The following ZFAT variants were observed in gnomAD, a reference collection of about 807,000 sequenced individuals.
The protein encoded by ZFAT is zinc finger and AT-hook domain containing.
Under a neutral mutation model 117.7 loss-of-function variants are expected in ZFAT, and 64 were observed. The ratio of observed to expected loss-of-function variants is 0.54; its 90% CI spans 0.44 to 0.67. The LOEUF (loss-of-function observed/expected upper bound fraction) is 0.67. ZFAT is among the 30% of genes least tolerant of loss of function. ZFAT has a pLI of 0.00. For missense variants in ZFAT, 1,433 were observed against 1,584.5 expected (o/e 0.90, Z 1.62); for synonymous variants, 679 against 615.0 (o/e 1.10, Z -1.54).
intron 10 of ZFAT, among the ~76,000 whole-genome samples, chr8:134,580,506 T>C (rs1333082189): frequency 2.0e-5 from 3 of 152,196 alleles, no homozygotes; most frequent in Non-Finnish European, 4.4e-5. Flanking sequence ...CCAGGGATAG[T>C]CCTAACTTGA....
chr8:134,634,866 A>T (rs2131088054), intron 3 of ZFAT, among the ~76,000 whole-genome samples: 1 of 152,258 alleles, frequency 6.6e-6, no homozygotes, highest in Non-Finnish European at 1.5e-5. Flanking sequence ...GGCACCAGGG[A>T]CTGGTTTCAT....
intron 1 of ZFAT, among the ~76,000 whole-genome samples, chr8:134,686,862 G>T (rs189014767): frequency 6.6e-6 from 1 of 152,180 alleles, no homozygotes; most frequent in Non-Finnish European, 1.5e-5. Flanking sequence ...TTCTGCATAC[G>T]TCTCTGAATT....
At chr8:134,516,137 G>A (rs529063661) in intron 13 of ZFAT, among the ~76,000 whole-genome samples, 1 of 152,212 alleles carries the variant, frequency 6.6e-6, no homozygotes, top group Non-Finnish European at 1.5e-5. Context: ...GAAGACAGCA[G>A]GGTGTTTGCC....
chr8:134,637,913 A>G (rs1341178613), intron 2 of ZFAT, among the ~76,000 whole-genome samples: 1 of 152,160 alleles, frequency 6.6e-6, no homozygotes, highest in African/African-American at 2.4e-5. Context: ...TGGGTAATCA[A>G]TTTTCTAATG....
the ZFAT span, among the ~76,000 whole-genome samples, chr8:134,745,095 T>C: frequency 4.6e-5 from 7 of 152,176 alleles, no homozygotes; most frequent in Non-Finnish European, 5.9e-5. Context: ...TGATTAACCC[T>C]ATGTCACCTG....
chr8:134,493,196 C>A (rs1249908752), intron 15 of ZFAT, among the ~76,000 whole-genome samples: 1 of 152,188 alleles, frequency 6.6e-6, no homozygotes, highest in Non-Finnish European at 1.5e-5. Context: ...TGGGTCTCTG[C>A]AACACTGAGA....
chr8:134,483,439 A>C (rs1291457427), intron 15 of ZFAT, among the ~76,000 whole-genome samples: 3 of 152,208 alleles, frequency 2.0e-5, no homozygotes, highest in African/African-American at 7.2e-5. Context: ...TGATATGATT[A>C]AATTATCACT....
chr8:134,541,077 C>T (rs1408768340), intron 11 of ZFAT, among the ~76,000 whole-genome samples: 1 of 152,162 alleles, frequency 6.6e-6, no homozygotes, highest in Non-Finnish European at 1.5e-5. Flanking sequence ...TCTGTCAGCG[C>T]TTCCTCACTT....
At chr8:134,823,585 A>C in the ZFAT span, among the ~76,000 whole-genome samples, 1 of 152,214 alleles carries the variant, frequency 6.6e-6, no homozygotes, top group African/African-American at 2.4e-5. Flanking sequence ...GAGAGACAGG[A>C]GAGTGATAGG....
intron 7 of ZFAT, among the ~76,000 whole-genome samples, chr8:134,596,993 A>AG (rs1491546304): frequency 1.6e-5 from 1 of 60,880 alleles, no homozygotes; most frequent in Non-Finnish European, 3.2e-5. Flanking sequence ...TGGATATACT[A>AG]AAAAAAAAAA....
chr8:134,569,763 T>C (rs1266254433), intron 10 of ZFAT, among the ~76,000 whole-genome samples: 1 of 152,168 alleles, frequency 6.6e-6, no homozygotes, highest in East Asian at 1.9e-4. Flanking sequence ...CTGAGTGCAG[T>C]GCCCTCCAGA....
At chr8:134,687,729 C>A (rs1833394603) in intron 1 of ZFAT, among the ~76,000 whole-genome samples, 1 of 152,128 alleles carries the variant, frequency 6.6e-6, no homozygotes, top group South Asian at 2.1e-4. Context: ...TCTAAGTAAC[C>A]AAGTCTCTGT....
At chr8:134,752,116 T>G in the ZFAT span, among the ~76,000 whole-genome samples, 1 of 152,212 alleles carries the variant, frequency 6.6e-6, no homozygotes. Flanking sequence ...TCATTCCTAG[T>G]GCTTTGCATT....
intron 11 of ZFAT, among the ~76,000 whole-genome samples, chr8:134,551,527 A>G (rs1165027223): frequency 2.0e-5 from 3 of 152,252 alleles, no homozygotes; most frequent in African/African-American, 7.2e-5. Flanking sequence ...GAGGAGTTGT[A>G]GTATAAATAA....
chr8:134,544,735 A>C (rs58124929), intron 11 of ZFAT, among the ~76,000 whole-genome samples: 40 of 152,060 alleles, frequency 2.6e-4, no homozygotes, highest in African/African-American at 8.9e-4. Flanking sequence ...AAGGGGCTCA[A>C]CCTCATTAAC....
At chr8:134,619,374 G>A (rs576807052) in intron 3 of ZFAT, among the ~76,000 whole-genome samples, 2 of 151,968 alleles carry the variant, frequency 1.3e-5, no homozygotes, top group South Asian at 2.1e-4. Context: ...TTGAAAAACC[G>A]TAAGTCCACC....
In ZFAT at chr8:134,708,647, T is replaced by C. The variant is rs111268015; in HGVS notation, c.19+4198A>G. Among the ~76,000 whole-genome samples, 230 of 152,284 alleles carry C rather than the reference T, an allele frequency of 1.5e-3. 1 individual carries two copies. Among genetic ancestry groups the C allele is most frequent in the African/African-American group, 5.3e-3 (222 of 41,566 alleles). On this transcript the variant is annotated intron_variant, in intron 1 of 15. Transcript: ENST00000377838. ...ATTTTGTTTTGCTCTGCTTTTTCTT[T>C]TCTCTTTTAAAAAAAAATTACTCGG...
intron 7 of ZFAT, among the ~76,000 whole-genome samples, chr8:134,594,403 T>G (rs1826762489): frequency 6.6e-6 from 1 of 152,232 alleles, no homozygotes. Context: ...ACCTTCTCAG[T>G]GCTTTGTTGG....
intron 14 of ZFAT, among the ~76,000 whole-genome samples, chr8:134,511,999 G>A (rs1485384411): frequency 6.6e-6 from 1 of 152,152 alleles, no homozygotes; most frequent in Non-Finnish European, 1.5e-5. Context: ...AGGCCCTGGA[G>A]GAGATGTCCC....
Sources: allele counts gnomAD v4.1 joint callset (sites outside exome capture counted in the v4.1 genomes callset), GRCh38; gene constraint gnomAD v4.1.1; transcripts MANE v1.5; gene names NCBI Gene and HGNC (gene_info 2026-07-23, HGNC 2026-07-21).